Variants in CLIP1 observed in about 807,000 individuals in gnomAD.
CLIP1 encodes CAP-Gly domain-containing linker protein 1.
A neutral mutation model predicts 161.6 loss-of-function variants in CLIP1; 66 were observed. The ratio of observed to expected loss-of-function variants is 0.41; its 90% CI spans 0.33 to 0.50. CLIP1 has a LOEUF of 0.50. CLIP1 is among the 20% of genes least tolerant of loss of function. The pLI is 0.27. For synonymous variants in CLIP1, 598 were observed against 626.2 expected (o/e 0.96, Z 0.67); for missense variants, 1,376 against 1,702.0 (o/e 0.81, Z 3.37).
Position 122,392,918 on chromosome 12 carries a change from A to G in CLIP1, c.-106-12360T>C, listed in dbSNP as rs1263701656. 1.3e-5 allele frequency among the ~76,000 whole-genome samples: 2 copies of G among 151,940 alleles called. 1 individual carries two copies. The highest frequency in any genetic ancestry group is 4.8e-5 in the African/African-American group (2 of 41,362). ...TGCCTCAGCCTCCCGAGTAACTGGGACTACAGGCACACACCACCACCCCCG... is the reference window on the plus strand; with the variant it reads ...TGCCTCAGCCTCCCGAGTAACTGGGGCTACAGGCACACACCACCACCCCCG... On this transcript the variant is annotated intron_variant, in intron 1 of 25. Coordinates refer to ENST00000620786, the MANE Select transcript of CLIP1 (RefSeq NM_001247997.2).
chr12:122,361,632 C>T (rs1428190681), intron 4 of CLIP1, among the ~76,000 whole-genome samples: 3 of 152,062 alleles, frequency 2.0e-5, no homozygotes, highest in African/African-American at 4.8e-5. Context: ...TGTGGGAGGC[C>T]GAGGCGGCAG....
intron 3 of CLIP1, among the ~76,000 whole-genome samples, chr12:122,369,737 G>A (rs753841553): frequency 2.0e-5 from 3 of 151,876 alleles, no homozygotes; most frequent in Non-Finnish European, 4.4e-5. Flanking sequence ...TTTAGTTGGG[G>A]TGGCCAAGGA....
At chr12:122,379,015 C>G (rs1954875525) in intron 2 of CLIP1, among the ~76,000 whole-genome samples, 1 of 152,010 alleles carries the variant, frequency 6.6e-6, no homozygotes, top group African/African-American at 2.4e-5. Flanking sequence ...GTCCCAGCTA[C>G]TCGGGAGGCT....
chr12:122,369,771 T>C (rs1468821270), intron 3 of CLIP1, among the ~76,000 whole-genome samples: 1 of 151,562 alleles, frequency 6.6e-6, no homozygotes, highest in Non-Finnish European at 1.5e-5. Context: ...GAGGTAACAC[T>C]TGAGCATGAC....
In CLIP1 at chr12:122,340,904, T is replaced by G; in HGVS notation, c.2300A>C (p.Lys767Thr). 3 of 1,614,236 alleles carry G rather than the reference T, an allele frequency of 1.9e-6. No individual in the cohort carries two copies. Among genetic ancestry groups the G allele is most frequent in the Non-Finnish European group, 2.5e-6 (3 of 1,180,034 alleles). The change falls in exon 11 of 26, where the codon AAG becomes ACG. Residue 767 changes from lysine (K) to threonine (T), a missense_variant. Lys to Thr is a moderately conservative substitution (Grantham distance 78). Around this residue, in one of 6 missense-constraint regions of CLIP1, gnomAD observed 948 missense variants for 1,134.8 expected, o/e 0.84. Coordinates refer to ENST00000620786, the MANE Select transcript of CLIP1 (RefSeq NM_001247997.2). ...ATCCAAGAGCTTTTCTTCAGTAGCC[T>G]TGAGCTGTGATGTAAAATTATCAAT... is the stretch of plus-strand genomic sequence containing the variant. The part of the protein sequence containing the change: ...KVIDNFTSQL[K>T]ATEEKLLDLD...
chr12:122,278,995 G>A (rs778419728), intron 22 of CLIP1, 33 bp downstream of exon 22: 23 of 1,605,854 alleles, frequency 1.4e-5, no homozygotes, highest in Non-Finnish European at 1.7e-5. Flanking sequence ...AGGAGGCCGC[G>A]TGAAAGCTCG....
At chr12:122,344,134 T>A (rs1025138380) in intron 10 of CLIP1, 1 of 152,196 alleles carries the variant, frequency 6.6e-6, no homozygotes. Context: ...ATAACAGATA[T>A]GTTTTCTTTC....
intron 1 of CLIP1, among the ~76,000 whole-genome samples, chr12:122,387,013 C>T (rs1955303665): frequency 1.3e-5 from 2 of 152,074 alleles, no homozygotes; most frequent in Non-Finnish European, 1.5e-5. Flanking sequence ...ACCTTCGCCT[C>T]CCATGTATCT....
chr12:122,348,139 G>C (rs1952837257), intron 9 of CLIP1, among the ~76,000 whole-genome samples: 1 of 152,166 alleles, frequency 6.6e-6, no homozygotes, highest in African/African-American at 2.4e-5. Context: ...AAGGGTCTGA[G>C]TTAAGAGTCT....
rs1406033120 is a variant in CLIP1, at chr12:122,278,952, A to C, written c.3766-10T>G. On this transcript the variant is annotated splice_polypyrimidine_tract_variant and intron_variant, in intron 22 of 25. Coordinates refer to ENST00000620786, the MANE Select transcript of CLIP1 (RefSeq NM_001247997.2). ...CCCTGAGCACTGTGACCTGAAACACAGTTGTTTAGCTTAGGCTGAGGGTTT... is the reference window on the plus strand; with the variant it reads ...CCCTGAGCACTGTGACCTGAAACACCGTTGTTTAGCTTAGGCTGAGGGTTT... 1 of 1,606,136 alleles carries C rather than the reference A, an allele frequency of 6.2e-7. No homozygotes were observed. The highest frequency in any genetic ancestry group is 1.1e-5 in the South Asian group (1 of 90,312).
chr12:122,359,922 C>A (rs781610736), intron 5 of CLIP1, among the ~76,000 whole-genome samples: 3 of 152,306 alleles, frequency 2.0e-5, no homozygotes, highest in Non-Finnish European at 4.4e-5. Context: ...GTATTTGCCC[C>A]ACTTCTAGGT....
chr12:122,284,682 T>A (rs1458833975), intron 21 of CLIP1, among the ~76,000 whole-genome samples: 1 of 152,136 alleles, frequency 6.6e-6, no homozygotes. Context: ...ATGAAAAGCG[T>A]CCCATGCCTA....
intron 1 of CLIP1, among the ~76,000 whole-genome samples, chr12:122,414,910 T>C (rs1012094913): frequency 2.4e-4 from 37 of 152,096 alleles, no homozygotes; most frequent in African/African-American, 8.4e-4. Context: ...AAAAAAAAAT[T>C]AGCTGGGCAT....
chr12:122,329,629 CA>C (rs571336170), intron 15 of CLIP1, among the ~76,000 whole-genome samples: 22 of 123,456 alleles, frequency 1.8e-4, no homozygotes, highest in African/African-American at 1.8e-4. Flanking sequence ...GACTCTGTCT[CA>C]AAAAAAAAAA....
intron 21 of CLIP1, among the ~76,000 whole-genome samples, chr12:122,286,823 C>G (rs905730496): frequency 1.4e-4 from 22 of 152,080 alleles, no homozygotes; most frequent in Admixed American, 5.9e-4. Flanking sequence ...ACGGTGAAAC[C>G]CCATCTCTAC....
chr12:122,409,920 G>C (rs1956467444), intron 1 of CLIP1, among the ~76,000 whole-genome samples: 1 of 150,832 alleles, frequency 6.6e-6, no homozygotes, highest in Non-Finnish European at 1.5e-5. Flanking sequence ...ACCCAGGCTG[G>C]AGTGCAGTGG....
rs11057411 is a variant in CLIP1 at position 122,301,418 on chromosome 12, C to T, written c.3594+8344G>A. ...GGGCGCGGCGGCTCATGCCTATAATCCCAGTACTTTGGGAGGCCGAGGCGA... is the reference window on the plus strand; with the variant it reads ...GGGCGCGGCGGCTCATGCCTATAATTCCAGTACTTTGGGAGGCCGAGGCGA... On this transcript the variant is annotated intron_variant, in intron 20 of 25. Coordinates refer to ENST00000620786, the MANE Select transcript of CLIP1 (RefSeq NM_001247997.2). 9.1e-3 allele frequency among the ~76,000 whole-genome samples: 1,385 copies of T among 152,296 alleles called. 11 individuals carry two copies. The highest frequency in any genetic ancestry group is 0.016 in the Non-Finnish European group (1,060 of 68,022).
chr12:122,347,015 T>G (rs1952783496), intron 10 of CLIP1, among the ~76,000 whole-genome samples: 1 of 152,152 alleles, frequency 6.6e-6, no homozygotes, highest in African/African-American at 2.4e-5. Context: ...GCCTAGTAAC[T>G]AGATATTTGA....
Position 122,312,215 on chromosome 12 carries a change from T to C in CLIP1, c.3474-2333A>G, listed in dbSNP as rs559645108. 2.6e-5 allele frequency among the ~76,000 whole-genome samples: 4 copies of C among 152,380 alleles called. No homozygotes were observed. In the East Asian group the frequency reaches 5.8e-4, roughly 22 times the overall value. On this transcript the variant is annotated intron_variant, in intron 19 of 25. Transcript: ENST00000620786. The stretch of plus-strand genomic sequence containing the variant: ...ATCTATTATCATGCTAAATGTATTG[T>C]ACATTTACTACTGTGCCAGGTTAGT...
Sources: gnomAD v4.1 joint callset for allele counts (sites outside exome capture counted in the v4.1 genomes callset) on GRCh38, gnomAD v4.1.1 for gene constraint, gnomAD v4.1.1 regional missense constraint, MANE v1.5 for transcripts, NCBI Gene and HGNC (gene_info 2026-07-23, HGNC 2026-07-21) for gene names.